The following SEMA3A variants were observed in gnomAD, a reference collection of about 807,000 sequenced individuals.
The protein encoded by SEMA3A is semaphorin-3A.
In SEMA3A, 29 loss-of-function variants were observed where a neutral mutation model predicts 97.9. That is an observed-to-expected ratio of 0.30 (90% CI 0.22 to 0.40). The LOEUF is 0.40. Among genes scored for constraint, SEMA3A ranks in the 10% least tolerant of loss-of-function variants. The pLI is 1.00. For synonymous variants in SEMA3A, 321 were observed against 323.7 expected (o/e 0.99, Z 0.09); for missense variants, 763 against 951.3 (o/e 0.80, Z 2.60).
At chr7:84,348,119 T>C (rs766599757) in intron 2 of SEMA3A, among the ~76,000 whole-genome samples, 2 of 152,144 alleles carry the variant, frequency 1.3e-5, no homozygotes, top group Non-Finnish European at 2.9e-5. Context: ...AAAAAATGTC[T>C]CTTTTAAAAA....
intron 1 of SEMA3A, among the ~76,000 whole-genome samples, chr7:84,480,794 T>A (rs1213266125): frequency 6.6e-6 from 1 of 152,232 alleles, no homozygotes; most frequent in East Asian, 1.9e-4. Flanking sequence ...ACTGTGTCTA[T>A]GTTTAATCAT....
At chr7:84,002,829 C>G (rs185910140) in intron 11 of SEMA3A, among the ~76,000 whole-genome samples, 21 of 152,202 alleles carry the variant, frequency 1.4e-4, no homozygotes, top group Admixed American at 1.4e-3. Flanking sequence ...ATTTGTTTTT[C>G]TAATTTGCAT....
intron 3 of SEMA3A, among the ~76,000 whole-genome samples, chr7:84,237,451 A>G (rs894039657): frequency 2.6e-5 from 4 of 152,142 alleles, no homozygotes; most frequent in African/African-American, 9.7e-5. Context: ...AAAGAGAAGA[A>G]GAACGAAGAG....
At chr7:84,348,009 T>C (rs1019276538) in intron 2 of SEMA3A, among the ~76,000 whole-genome samples, 1 of 152,106 alleles carries the variant, frequency 6.6e-6, no homozygotes, top group Non-Finnish European at 1.5e-5. Flanking sequence ...AAAACATTAA[T>C]GAGAGTGTTG....
At chr7:84,460,707 T>C (rs1805813209) in intron 1 of SEMA3A, among the ~76,000 whole-genome samples, 1 of 152,220 alleles carries the variant, frequency 6.6e-6, no homozygotes, top group South Asian at 2.1e-4. Flanking sequence ...TAACCAAAAC[T>C]TTATTATATG....
chr7:84,316,423 C>A (rs1275303646), intron 2 of SEMA3A, among the ~76,000 whole-genome samples: 1 of 151,858 alleles, frequency 6.6e-6, no homozygotes, highest in Non-Finnish European at 1.5e-5. Context: ...AGAGTTATTT[C>A]ACAATGCACA....
chr7:84,190,734 T>TAC (rs1351257760), intron 1 of SEMA3A, among the ~76,000 whole-genome samples: 2 of 147,816 alleles, frequency 1.4e-5, no homozygotes, highest in African/African-American at 2.5e-5. Flanking sequence ...ATATAATATA[T>TAC]ATACACACAC....
chr7:84,286,388 G>A (rs143399639), intron 3 of SEMA3A, among the ~76,000 whole-genome samples: 2 of 152,188 alleles, frequency 1.3e-5, no homozygotes, highest in African/African-American at 2.4e-5. Context: ...GAAATATGAC[G>A]CCATCCTTTA....
chr7:84,042,612 T>C lies in SEMA3A; in HGVS notation c.667+3712A>G, dbSNP rs115027285. 8.5e-3 allele frequency among the ~76,000 whole-genome samples: 1,292 copies of C among 152,226 alleles called. 16 individuals carry two copies. The highest frequency in any genetic ancestry group is 0.029 in the African/African-American group (1,219 of 41,556). ...TACCAAGAACTTGCTCAGTGTTTTT[T>C]ATACATTAATATGTGGTCGTTTTTC... On this transcript the variant is annotated intron_variant, in intron 6 of 16. Transcript: ENST00000265362.
chr7:84,144,550 T>C (rs1796409523), intron 1 of SEMA3A, among the ~76,000 whole-genome samples: 2 of 152,162 alleles, frequency 1.3e-5, no homozygotes, highest in Admixed American at 6.6e-5. Flanking sequence ...AAATAAAGAA[T>C]ACATTTGGAA....
intron 4 of SEMA3A, among the ~76,000 whole-genome samples, chr7:84,070,580 A>G (rs1479234394): frequency 1.3e-5 from 2 of 152,176 alleles, no homozygotes; most frequent in Non-Finnish European, 2.9e-5. Context: ...TTTAGGTGGG[A>G]AATTGCATAA....
chr7:84,013,423 A>G (rs950866714), intron 7 of SEMA3A, among the ~76,000 whole-genome samples: 1 of 152,188 alleles, frequency 6.6e-6, no homozygotes, highest in Non-Finnish European at 1.5e-5. Flanking sequence ...ACAGCTTCAA[A>G]ATTGTTTTTG....
intron 15 of SEMA3A, among the ~76,000 whole-genome samples, chr7:83,973,445 T>C (rs533756497): frequency 6.6e-6 from 1 of 152,176 alleles, no homozygotes; most frequent in South Asian, 2.1e-4. Flanking sequence ...CATCTGAGAC[T>C]TGATGAAATT....
At chr7:84,113,517 G>C (rs954556487) in intron 3 of SEMA3A, among the ~76,000 whole-genome samples, 2 of 152,142 alleles carry the variant, frequency 1.3e-5, no homozygotes, top group African/African-American at 4.8e-5. Context: ...ACCTTTTCTT[G>C]AACCATGACG....
intron 1 of SEMA3A, among the ~76,000 whole-genome samples, chr7:84,459,609 A>G (rs896433848): frequency 6.6e-6 from 1 of 152,258 alleles, no homozygotes; most frequent in Non-Finnish European, 1.5e-5. Context: ...AATTTCCTAA[A>G]GATTTCCTTG....
At chr7:84,327,451 G>A (rs1194764591) in intron 2 of SEMA3A, among the ~76,000 whole-genome samples, 2 of 151,678 alleles carry the variant, frequency 1.3e-5, no homozygotes, top group Non-Finnish European at 2.9e-5. Flanking sequence ...AAAGGTAGTG[G>A]GAAATAATGA....
At chr7:84,433,241 G>T (rs1437501930) in intron 1 of SEMA3A, among the ~76,000 whole-genome samples, 5 of 51,464 alleles carry the variant, frequency 9.7e-5, no homozygotes, top group Non-Finnish European at 1.9e-4. Context: ...CCCACCCCCC[G>T]ACAGGCCCCA....
At chr7:84,042,149 C>T (rs969613587) in intron 6 of SEMA3A, among the ~76,000 whole-genome samples, 7 of 151,940 alleles carry the variant, frequency 4.6e-5, no homozygotes, top group Non-Finnish European at 8.8e-5. Context: ...TAAGAGAGTA[C>T]GAAATATCCT....
chr7:83,996,300 C>CTTTTTTT (rs35148121), intron 12 of SEMA3A, among the ~76,000 whole-genome samples: 2 of 111,978 alleles, frequency 1.8e-5, no homozygotes, highest in African/African-American at 6.6e-5. Flanking sequence ...TACTAGTAAT[C>CTTTTTTT]TTTTTTTTTT....
Sources: gnomAD v4.1 joint callset for allele counts (sites outside exome capture counted in the v4.1 genomes callset) on GRCh38, gnomAD v4.1.1 for gene constraint, MANE v1.5 for transcripts, NCBI Gene and HGNC (gene_info 2026-07-23, HGNC 2026-07-21) for gene names.